SNX29: variants seen among roughly 807,000 people sequenced by gnomAD.
SNX29 encodes the protein sorting nexin 29.
SNX29 carries 78 observed loss-of-function variants against 102.1 expected under a neutral mutation model. That is an observed-to-expected ratio of 0.76 (90% CI 0.64 to 0.92). The LOEUF (loss-of-function observed/expected upper bound fraction) is 0.92, where lower values mean the gene tolerates loss of function less well. Among genes scored for constraint, SNX29 ranks in the 40% least tolerant of loss-of-function variants. SNX29 has a pLI of 0.00. For missense variants in SNX29, 1,280 were observed against 1,061.7 expected (o/e 1.21, Z -2.86); for synonymous variants, 580 against 414.5 (o/e 1.40, Z -4.85).
intron 20 of SNX29, among the ~76,000 whole-genome samples, chr16:12,537,504 C>G (rs2077129034): frequency 2.0e-5 from 3 of 152,200 alleles, no homozygotes; most frequent in South Asian, 2.1e-4. Context: ...AGAGATTTCA[C>G]AGGCTTGTTG....
chr16:12,573,096 C>T lies in SNX29; in HGVS notation c.*4467C>T, dbSNP rs1295518011. 4.3e-6 allele frequency: 1 copy of T among 230,084 alleles called. No individual in the cohort carries two copies. Among genetic ancestry groups the T allele is most frequent in the Non-Finnish European group, 8.6e-6 (1 of 116,638 alleles). 14.3% of individuals were successfully genotyped at this position (230,084 alleles called of 1,614,324 possible). The stretch of plus-strand genomic sequence containing the variant: ...TCATTTCTGTGCCAAGAAAGTTCAT[C>T]TTTATGTTTTTCTAATACACAATCT... On this transcript the variant is annotated 3_prime_UTR_variant, in exon 21 of 21. Transcript: ENST00000566228.
chr16:12,546,097 T>G (rs1405206891), intron 20 of SNX29, among the ~76,000 whole-genome samples: 1 of 152,204 alleles, frequency 6.6e-6, no homozygotes. Context: ...CACTTCACTG[T>G]GTGACTTTGG....
chr16:12,380,615 TCCATCCAC>T (rs2083057402), intron 16 of SNX29, among the ~76,000 whole-genome samples: 2 of 75,676 alleles, frequency 2.6e-5, no homozygotes, highest in East Asian at 4.8e-4. Flanking sequence ...CCACCATCCA[TCCATCCAC>T]CCACCCACCA....
chr16:12,201,380 C>T (rs1259792757), intron 14 of SNX29, among the ~76,000 whole-genome samples: 1 of 152,104 alleles, frequency 6.6e-6, no homozygotes, highest in Non-Finnish European at 1.5e-5. Flanking sequence ...TTTGTCTAGC[C>T]CTTTACAGCC....
At position 12,294,424 on chromosome 16, in the gene SNX29, C is replaced by T. The variant is rs138565164; in HGVS notation, c.1782+16388C>T. 2.9e-3 allele frequency among the ~76,000 whole-genome samples: 443 copies of T among 152,300 alleles called. 5 individuals carry two copies. Among genetic ancestry groups the T allele is most frequent in the African/African-American group, 9.7e-3 (405 of 41,566 alleles). ...TTCTCTCGTTCCTCCCTCCGATGGG[C>T]TGAGAATGGCCCGGCATGCTTACTC... On this transcript the variant is annotated intron_variant, in intron 15 of 20. Coordinates refer to ENST00000566228, the MANE Select transcript of SNX29 (RefSeq NM_032167.5).
At chr16:12,026,658 A>G (rs887792078) in intron 3 of SNX29, among the ~76,000 whole-genome samples, 3 of 152,212 alleles carry the variant, frequency 2.0e-5, no homozygotes, top group African/African-American at 7.2e-5. Flanking sequence ...TGAAAATTCC[A>G]TCAACTCACA....
intron 14 of SNX29, among the ~76,000 whole-genome samples, chr16:12,220,324 AAGGG>A (rs142734328): frequency 5.3e-5 from 6 of 113,846 alleles, no homozygotes; most frequent in South Asian, 6.7e-4. Flanking sequence ...GGGAGGGAGG[AAGGG>A]AGGGAGGGAG....
intron 14 of SNX29, among the ~76,000 whole-genome samples, chr16:12,215,359 C>G (rs1254387093): frequency 1.3e-5 from 2 of 151,822 alleles, no homozygotes; most frequent in Non-Finnish European, 2.9e-5. Context: ...GCCAGACTCT[C>G]TGGGCTAAAG....
chr16:12,151,122 A>G (rs2055282046), intron 13 of SNX29, among the ~76,000 whole-genome samples: 1 of 152,176 alleles, frequency 6.6e-6, no homozygotes, highest in South Asian at 2.1e-4. Context: ...GCCCCTGTGT[A>G]CCCATCCCCC....
At chr16:12,441,850 G>A (rs559854142) in intron 18 of SNX29, among the ~76,000 whole-genome samples, 6 of 152,146 alleles carry the variant, frequency 3.9e-5, no homozygotes, top group African/African-American at 1.4e-4. Context: ...GTGCAGTGGC[G>A]TGATCTCAGA....
intron 3 of SNX29, among the ~76,000 whole-genome samples, chr16:12,011,189 G>GAT (rs1555518208): frequency 8.1e-6 from 1 of 124,052 alleles, no homozygotes; most frequent in African/African-American, 3.0e-5. Context: ...ATTGCTTGGG[G>GAT]TTTTTTTTTT....
intron 11 of SNX29, among the ~76,000 whole-genome samples, chr16:12,112,409 C>T (rs2053535285): frequency 6.6e-6 from 1 of 152,168 alleles, no homozygotes; most frequent in Non-Finnish European, 1.5e-5. Context: ...GTCATCTCTG[C>T]GTGGCTGCTG....
intron 3 of SNX29, among the ~76,000 whole-genome samples, chr16:12,008,845 G>A (rs1392347774): frequency 5.9e-5 from 9 of 151,486 alleles, no homozygotes; most frequent in African/African-American, 9.7e-5. Context: ...GGGTTCAAGC[G>A]ATTCTCTTGA....
At chr16:12,489,031 C>T (rs551735646) in intron 19 of SNX29, among the ~76,000 whole-genome samples, 13 of 152,306 alleles carry the variant, frequency 8.5e-5, no homozygotes, top group African/African-American at 3.1e-4. Context: ...GTCTCTCCTT[C>T]CAGCTCTAAA....
rs530305778 is a variant in SNX29 at position 12,468,790 on chromosome 16, T to C, written c.2038-8929T>C. Among the ~76,000 whole-genome samples, 3 of 152,160 alleles carry C rather than the reference T, an allele frequency of 2.0e-5. No individual in the cohort carries two copies. The South Asian group carries it at 6.2e-4, about 32-fold the overall frequency. Reference sequence around the variant, plus strand: ...GGGGGACAGCGGGGTTTGGGAAAATTGAGGAGGGTCTTGAAGGAGGAGTAC... The same window carrying C: ...GGGGGACAGCGGGGTTTGGGAAAATCGAGGAGGGTCTTGAAGGAGGAGTAC... On this transcript the variant is annotated intron_variant, in intron 18 of 20. Transcript: ENST00000566228.
intron 13 of SNX29, among the ~76,000 whole-genome samples, chr16:12,179,233 C>T (rs1398992954): frequency 6.6e-6 from 1 of 152,210 alleles, no homozygotes; most frequent in East Asian, 1.9e-4. Context: ...CACCTGTACT[C>T]TTAGCTTTGG....
intron 11 of SNX29, among the ~76,000 whole-genome samples, chr16:12,123,494 A>G (rs551093045): frequency 6.6e-6 from 1 of 152,282 alleles, no homozygotes; most frequent in East Asian, 1.9e-4. Flanking sequence ...ATACATATAT[A>G]TCATATACAT....
At chr16:12,174,548 A>T (rs1481648075) in intron 13 of SNX29, among the ~76,000 whole-genome samples, 1 of 152,194 alleles carries the variant, frequency 6.6e-6, no homozygotes, top group Non-Finnish European at 1.5e-5. Flanking sequence ...CAGCGGCATT[A>T]GCTCCTTTGT....
At chr16:12,161,807 A>G (rs551555385) in intron 13 of SNX29, among the ~76,000 whole-genome samples, 2 of 151,850 alleles carry the variant, frequency 1.3e-5, no homozygotes, top group South Asian at 2.1e-4. Flanking sequence ...CCAGTTCCCT[A>G]TGCCTTCTGC....
Sources: gnomAD v4.1 joint callset for allele counts (sites outside exome capture counted in the v4.1 genomes callset) on GRCh38, gnomAD v4.1.1 for gene constraint, MANE v1.5 for transcripts, NCBI Gene and HGNC (gene_info 2026-07-23, HGNC 2026-07-21) for gene names.